Variants in SNX29 observed in about 807,000 individuals in gnomAD.
SNX29 encodes the protein sorting nexin 29.
Under a neutral mutation model 102.1 loss-of-function variants are expected in SNX29, and 78 were observed. That is an observed-to-expected ratio of 0.76 (90% confidence interval 0.64 to 0.92). SNX29 has a LOEUF of 0.92. Among genes scored for constraint, SNX29 ranks in the 40% least tolerant of loss-of-function variants. The pLI is 0.00. For synonymous variants in SNX29, 580 were observed against 414.5 expected (o/e 1.40, Z -4.85); for missense variants, 1,280 against 1,061.7 (o/e 1.21, Z -2.86).
At chr16:12,149,653 C>G (rs1004075098) in intron 13 of SNX29, among the ~76,000 whole-genome samples, 1 of 152,096 alleles carries the variant, frequency 6.6e-6, no homozygotes, top group Non-Finnish European at 1.5e-5. Flanking sequence ...CTGTGAGCCT[C>G]CGTGTTTAAA....
chr16:12,246,632 A>C (rs2078267925), intron 14 of SNX29, among the ~76,000 whole-genome samples: 1 of 152,148 alleles, frequency 6.6e-6, no homozygotes, highest in Non-Finnish European at 1.5e-5. Context: ...CATCTCCATA[A>C]AAAAGAAATA....
chr16:12,461,978 A>AATAAATATATATATAT (rs1555544500), intron 18 of SNX29, among the ~76,000 whole-genome samples: 1 of 27,354 alleles, frequency 3.7e-5, no homozygotes, highest in African/African-American at 1.4e-4. Context: ...AAAAAAAAAA[A>AATAAATATATATATAT]ATATATATAT....
chr16:12,340,504 A>G (rs1432781731), intron 15 of SNX29, among the ~76,000 whole-genome samples: 1 of 152,244 alleles, frequency 6.6e-6, no homozygotes, highest in African/African-American at 2.4e-5. Context: ...TGTGGGAGAC[A>G]GAATGGGAAG....
At chr16:12,389,718 A>G (rs1016244720) in intron 16 of SNX29, among the ~76,000 whole-genome samples, 1 of 152,170 alleles carries the variant, frequency 6.6e-6, no homozygotes, top group Admixed American at 6.5e-5. Flanking sequence ...TCAAAGTAGA[A>G]CCTACCCTCA....
At chr16:12,526,073 A>G (rs561301868) in intron 20 of SNX29, among the ~76,000 whole-genome samples, 2 of 152,356 alleles carry the variant, frequency 1.3e-5, no homozygotes, top group South Asian at 4.1e-4. Flanking sequence ...CCGTGATAGA[A>G]ACACAAAACG....
intron 16 of SNX29, among the ~76,000 whole-genome samples, chr16:12,366,615 G>A (rs994988486): frequency 5.3e-5 from 8 of 152,164 alleles, no homozygotes; most frequent in African/African-American, 1.9e-4. Flanking sequence ...GTCAGAGTTT[G>A]GTCTAGAACA....
intron 14 of SNX29, among the ~76,000 whole-genome samples, chr16:12,221,227 G>T (rs946302966): frequency 6.6e-6 from 1 of 152,078 alleles, no homozygotes; most frequent in African/African-American, 2.4e-5. Flanking sequence ...GAGTGGGGAG[G>T]GGAGAGATTG....
At chr16:12,399,471 G>C (rs1164071678) in intron 17 of SNX29, among the ~76,000 whole-genome samples, 1 of 152,208 alleles carries the variant, frequency 6.6e-6, no homozygotes, top group Non-Finnish European at 1.5e-5. Flanking sequence ...AGCACCCGTT[G>C]GGAAGAAAAG....
intron 16 of SNX29, among the ~76,000 whole-genome samples, chr16:12,362,236 G>A (rs1308797469): frequency 6.6e-6 from 1 of 152,136 alleles, no homozygotes; most frequent in African/African-American, 2.4e-5. Context: ...AGTAATGTTG[G>A]GATAGCATCC....
chr16:12,527,109 C>G (rs1265900629), intron 20 of SNX29: 2 of 463,522 alleles, frequency 4.3e-6, no homozygotes, highest in Non-Finnish European at 8.4e-6. Context: ...AATAAAAGCT[C>G]TTTGGCTTTC....
At chr16:12,450,881 C>T (rs759198251) in intron 18 of SNX29, among the ~76,000 whole-genome samples, 4 of 152,000 alleles carry the variant, frequency 2.6e-5, no homozygotes, top group Non-Finnish European at 5.9e-5. Flanking sequence ...TGGAGAAAAC[C>T]CAGAACACAT....
chr16:11,985,141 T>A (rs955136828), intron 1 of SNX29, among the ~76,000 whole-genome samples: 3 of 152,208 alleles, frequency 2.0e-5, no homozygotes, highest in Non-Finnish European at 4.4e-5. Flanking sequence ...TGAATTGATT[T>A]GATTTTTTCC....
At chr16:12,479,143 G>A (rs992336845) in intron 19 of SNX29, among the ~76,000 whole-genome samples, 3 of 152,184 alleles carry the variant, frequency 2.0e-5, no homozygotes, top group Non-Finnish European at 2.9e-5. Context: ...TGATTCACAC[G>A]CTCTGGGGCT....
chr16:12,031,357 C>G (rs1168290329), intron 4 of SNX29, among the ~76,000 whole-genome samples: 2 of 151,864 alleles, frequency 1.3e-5, no homozygotes, highest in African/African-American at 4.8e-5. Flanking sequence ...CAGGCGTTAG[C>G]CACTGTTCCT....
intron 20 of SNX29, among the ~76,000 whole-genome samples, chr16:12,552,112 T>C (rs977052774): frequency 6.6e-6 from 1 of 152,218 alleles, no homozygotes; most frequent in African/African-American, 2.4e-5. Context: ...AGTGTAACCA[T>C]GGCTGATACG....
chr16:12,157,139 G>A (rs946982322), intron 13 of SNX29, among the ~76,000 whole-genome samples: 2 of 152,184 alleles, frequency 1.3e-5, no homozygotes, highest in Non-Finnish European at 2.9e-5. Flanking sequence ...CGAGGAGTGT[G>A]GAGAACATGC....
Position 12,571,754 on chromosome 16 carries a change from C to G in SNX29, c.*3125C>G, listed in dbSNP as rs1346956052. The G allele has an allele frequency of 3.0e-6, 3 of 1,016,822 alleles. No individual in the cohort carries two copies. Among genetic ancestry groups the G allele is most frequent in the African/African-American group, 1.7e-5 (1 of 59,858 alleles). 63.0% of individuals were successfully genotyped at this position (1,016,822 alleles called of 1,614,324 possible). A position where few individuals can be genotyped will look rare whatever the true frequency, so the allele number is the denominator to read the frequency against. On this transcript the variant is annotated 3_prime_UTR_variant, in exon 21 of 21. Coordinates refer to ENST00000566228, the MANE Select transcript of SNX29 (RefSeq NM_032167.5). ...GCTAGAAACCTAGCCCAACCATCCACTCCTGATCTGAGACAGAACCTTCTC... is the reference window on the plus strand; with the variant it reads ...GCTAGAAACCTAGCCCAACCATCCAGTCCTGATCTGAGACAGAACCTTCTC...
At chr16:12,562,675 A>G (rs1269485667) in intron 20 of SNX29, among the ~76,000 whole-genome samples, 2 of 152,186 alleles carry the variant, frequency 1.3e-5, no homozygotes, top group Admixed American at 1.3e-4. Flanking sequence ...GTCTAGATTT[A>G]CAGGCACTGC....
intron 15 of SNX29, among the ~76,000 whole-genome samples, chr16:12,289,274 A>G (rs941356644): frequency 2.0e-5 from 3 of 152,102 alleles, no homozygotes; most frequent in African/African-American, 7.2e-5. Flanking sequence ...AGGGTCCACT[A>G]CTGGCACTGT....
Sources: allele counts gnomAD v4.1 joint callset (sites outside exome capture counted in the v4.1 genomes callset), GRCh38; gene constraint gnomAD v4.1.1; transcripts MANE v1.5; gene names NCBI Gene and HGNC (gene_info 2026-07-23, HGNC 2026-07-21).